Variants in GALNT14 observed in about 807,000 individuals in gnomAD.
GALNT14 encodes polypeptide N-acetylgalactosaminyltransferase 14, also known as UDP-GalNAc:polypeptide N-acetylgalactosaminyltransferase 14.
In GALNT14, 60 loss-of-function variants were observed where a neutral mutation model predicts 77.5. The observed-to-expected ratio is 0.77, with a 90% CI of 0.63 to 0.96. The LOEUF is 0.96. Ranked by LOEUF, GALNT14 falls within the 40% of genes least tolerant of loss-of-function variation. The pLI is 0.00. For missense variants in GALNT14, 710 were observed against 731.0 expected (o/e 0.97, Z 0.33); for synonymous variants, 280 against 281.7 (o/e 0.99, Z 0.06).
intron 3 of GALNT14, among the ~76,000 whole-genome samples, chr2:30,961,202 T>C (rs1436262041): frequency 6.6e-6 from 1 of 152,262 alleles, no homozygotes; most frequent in African/African-American, 2.4e-5. Context: ...AAGCAGGCGA[T>C]ATTAATACTT....
At chr2:30,895,153 ATCT>A in the GALNT14 span, among the ~76,000 whole-genome samples, 1 of 152,236 alleles carries the variant, frequency 6.6e-6, no homozygotes, top group Non-Finnish European at 1.5e-5. Context: ...GAGCAGCTGC[ATCT>A]TGAAGACCTG....
At chr2:31,134,979 T>C (rs1392532792) in intron 1 of GALNT14, among the ~76,000 whole-genome samples, 1 of 152,210 alleles carries the variant, frequency 6.6e-6, no homozygotes, top group Non-Finnish European at 1.5e-5. Flanking sequence ...TGAACTAATA[T>C]ATGTAAATGG....
chr2:30,938,988 A>AACTT (rs1362518431), intron 9 of GALNT14, among the ~76,000 whole-genome samples: 1 of 152,180 alleles, frequency 6.6e-6, no homozygotes, highest in Non-Finnish European at 1.5e-5. Flanking sequence ...AATCCAATGA[A>AACTT]ACTTATTTTA....
At chr2:31,022,996 G>A (rs758382658) in intron 1 of GALNT14, among the ~76,000 whole-genome samples, 3 of 152,196 alleles carry the variant, frequency 2.0e-5, no homozygotes, top group Non-Finnish European at 4.4e-5. Context: ...AGGAGGCACT[G>A]CTTCCAGCAG....
At chr2:30,960,926 C>A (rs537356309) in intron 3 of GALNT14, among the ~76,000 whole-genome samples, 1 of 152,248 alleles carries the variant, frequency 6.6e-6, no homozygotes, top group South Asian at 2.1e-4. Context: ...ATGCTCTCCT[C>A]ACTCTGCCTG....
In GALNT14 at chr2:30,966,259, T is replaced by C. The variant is rs973124508; in HGVS notation, c.343A>G (p.Ile115Val). The C allele has an allele frequency of 2.0e-5, 32 of 1,613,848 alleles. No homozygotes were observed. Among genetic ancestry groups the C allele is most frequent in the Non-Finnish European group, 2.5e-5 (30 of 1,179,942 alleles). The change falls in exon 3 of 15, where the codon ATC (isoleucine) becomes GTC (valine). Residue 115 changes from isoleucine (I) to valine (V), a missense_variant. By Grantham distance (29) the Ile-to-Val change is conservative (BLOSUM62 3). Coordinates refer to ENST00000349752, the MANE Select transcript of GALNT14 (RefSeq NM_024572.4). ...VYCTDLPPTS[I>V]IITFHNEARS... ...GCCTCGTTGTGGAAGGTGATGATGA[T>C]GCTAGTGGGTGGAAGGTCCGTGCAA...
intron 2 of GALNT14, among the ~76,000 whole-genome samples, chr2:30,987,716 TCCTCCC>T (rs1558469302): frequency 2.3e-4 from 6 of 25,542 alleles, no homozygotes; most frequent in South Asian, 2.8e-3. Flanking sequence ...TCCCTCCCCC[TCCTCCC>T]CCTCCTCCCC....
intron 1 of GALNT14, among the ~76,000 whole-genome samples, chr2:31,044,639 C>T (rs534125487): frequency 2.7e-5 from 4 of 147,824 alleles, no homozygotes; most frequent in Non-Finnish European, 4.5e-5. Flanking sequence ...AGCTATACTA[C>T]GGGTGAGGTG....
chr2:31,108,704 G>A (rs1677685178), intron 1 of GALNT14, among the ~76,000 whole-genome samples: 1 of 152,242 alleles, frequency 6.6e-6, no homozygotes, highest in Non-Finnish European at 1.5e-5. Flanking sequence ...CACAAACAGT[G>A]TCCTTGGGGA....
chr2:31,046,272 G>A (rs527280910), intron 1 of GALNT14, among the ~76,000 whole-genome samples: 7 of 149,724 alleles, frequency 4.7e-5, no homozygotes, highest in African/African-American at 1.7e-4. Flanking sequence ...TGTCGCCCAG[G>A]CTGGAGTGCA....
intron 1 of GALNT14, among the ~76,000 whole-genome samples, chr2:31,058,445 G>T (rs1674377710): frequency 6.6e-6 from 1 of 152,096 alleles, no homozygotes; most frequent in African/African-American, 2.4e-5. Flanking sequence ...TTTATTCTTA[G>T]TAAACACACC....
At chr2:30,956,966 A>G (rs1667408826) in intron 4 of GALNT14, among the ~76,000 whole-genome samples, 2 of 152,184 alleles carry the variant, frequency 1.3e-5, no homozygotes, top group African/African-American at 4.8e-5. Flanking sequence ...CCCATTACAC[A>G]GAGCTGGTTC....
At chr2:30,995,091 G>A (rs949934096) in intron 1 of GALNT14, among the ~76,000 whole-genome samples, 3 of 143,252 alleles carry the variant, frequency 2.1e-5, no homozygotes, top group African/African-American at 7.6e-5. Context: ...ATAAAAGGCA[G>A]TATATTAGTC....
rs150409779 is a variant in GALNT14 at position 31,016,384 on chromosome 2, C to T, written c.130-23377G>A. ...AAATACAGTCACATGGGGGTTAGAG[C>T]TCCAACGTATGAATGGTAGAGGGTA... is the stretch of plus-strand genomic sequence containing the variant. On this transcript the variant is annotated intron_variant, in intron 1 of 14. Coordinates refer to ENST00000349752, the MANE Select transcript of GALNT14 (RefSeq NM_024572.4). Among the ~76,000 whole-genome samples, 25 of 152,246 alleles carry T rather than the reference C, an allele frequency of 1.6e-4. No homozygotes were observed. In the East Asian group the frequency reaches 4.8e-3, roughly 29 times the overall value.
intron 1 of GALNT14, among the ~76,000 whole-genome samples, chr2:31,031,289 C>T (rs1158950032): frequency 1.3e-5 from 2 of 152,032 alleles, no homozygotes; most frequent in African/African-American, 2.4e-5. Flanking sequence ...CCCAAACTCT[C>T]TATCCTAACA....
chr2:30,895,809 A>G, the GALNT14 span, among the ~76,000 whole-genome samples: 4 of 149,626 alleles, frequency 2.7e-5, no homozygotes, highest in Non-Finnish European at 5.9e-5. Context: ...CTCAAAGAAA[A>G]CCTCCTCTCC....
intron 1 of GALNT14, among the ~76,000 whole-genome samples, chr2:31,064,027 G>C (rs1033565956): frequency 2.0e-5 from 3 of 152,214 alleles, no homozygotes; most frequent in Non-Finnish European, 4.4e-5. Flanking sequence ...GTTGGGCAGA[G>C]AGTTTGCTTT....
chr2:30,924,344 G>A, intron 12 of GALNT14, 81 bp from the exon 13 acceptor site: 1 of 1,465,712 alleles, frequency 6.8e-7, no homozygotes, highest in Non-Finnish European at 9.5e-7. Context: ...GGTGGGCAGT[G>A]TTCTGAGAAT....
At chr2:31,022,248 G>A (rs1044977977) in intron 1 of GALNT14, among the ~76,000 whole-genome samples, 2 of 152,338 alleles carry the variant, frequency 1.3e-5, no homozygotes, top group East Asian at 1.9e-4. Context: ...ATAATGACAG[G>A]CAGATCAAAG....
Sources: gnomAD v4.1 joint callset for allele counts (sites outside exome capture counted in the v4.1 genomes callset) on GRCh38, gnomAD v4.1.1 for gene constraint, MANE v1.5 for transcripts, NCBI Gene and HGNC (gene_info 2026-07-23, HGNC 2026-07-21) for gene names.